DSCAM: variants seen among roughly 807,000 people sequenced by gnomAD.
DSCAM encodes the protein cell adhesion molecule DSCAM.
A neutral mutation model predicts 217.7 loss-of-function variants in DSCAM; 47 were observed. The ratio of observed to expected loss-of-function variants is 0.22; its 90% CI spans 0.17 to 0.28. The LOEUF is 0.28. DSCAM is among the 10% of genes least tolerant of loss of function. The pLI, the probability that DSCAM is intolerant of heterozygous loss-of-function variation, is 1.00. For missense variants in DSCAM, 2,080 were observed against 2,618.3 expected, an observed-to-expected ratio of 0.79 and a Z score of 4.49; for synonymous variants, 1,056 against 1,015.3, an observed-to-expected ratio of 1.04 and a Z score of -0.76.
At chr21:40,642,045 A>AC (rs1434733173) in intron 3 of DSCAM, among the ~76,000 whole-genome samples, 1 of 119,818 alleles carries the variant, frequency 8.3e-6, no homozygotes, top group African/African-American at 3.3e-5. Context: ...TCTGTCTCAA[A>AC]AAAAAAAAAA....
intron 20 of DSCAM, among the ~76,000 whole-genome samples, chr21:40,121,790 A>G (rs2090037905): frequency 6.8e-6 from 1 of 146,926 alleles, no homozygotes; most frequent in Non-Finnish European, 1.5e-5. Flanking sequence ...CCCAGGTTCA[A>G]GAGTTTCTCC....
chr21:40,681,355 C>G (rs1428562763), intron 3 of DSCAM, among the ~76,000 whole-genome samples: 1 of 152,230 alleles, frequency 6.6e-6, no homozygotes, highest in South Asian at 2.1e-4. Flanking sequence ...ACAGCGGCAG[C>G]TGGTGGTGTG....
intron 11 of DSCAM, among the ~76,000 whole-genome samples, chr21:40,191,807 C>T (rs1036014298): frequency 2.0e-5 from 3 of 152,146 alleles, no homozygotes; most frequent in Non-Finnish European, 1.5e-5. Context: ...TGGCTTGTGG[C>T]GGCAAAACTT....
chr21:40,452,566 C>T (rs576835519), intron 3 of DSCAM, among the ~76,000 whole-genome samples: 4 of 152,106 alleles, frequency 2.6e-5, no homozygotes, highest in Non-Finnish European at 2.9e-5. Context: ...ATATTACCTG[C>T]CAAATAGTAT....
chr21:40,245,795 G>A (rs1013905885), intron 11 of DSCAM, among the ~76,000 whole-genome samples: 3 of 152,238 alleles, frequency 2.0e-5, no homozygotes, highest in African/African-American at 4.8e-5. Context: ...AATCAATGAC[G>A]CTTTCATACT....
intron 3 of DSCAM, among the ~76,000 whole-genome samples, chr21:40,371,929 T>C (rs2074903466): frequency 1.3e-5 from 2 of 152,226 alleles, no homozygotes; most frequent in South Asian, 4.1e-4. Context: ...ATGGGTTAAT[T>C]TGACCTCCTT....
intron 1 of DSCAM, among the ~76,000 whole-genome samples, chr21:40,771,221 A>G (rs1239189726): frequency 6.6e-6 from 1 of 152,058 alleles, no homozygotes; most frequent in Non-Finnish European, 1.5e-5. Flanking sequence ...TTAGCATAGA[A>G]CCATGCTGCC....
intron 3 of DSCAM, among the ~76,000 whole-genome samples, chr21:40,406,704 C>T (rs1473169107): frequency 6.6e-6 from 1 of 152,216 alleles, no homozygotes; most frequent in African/African-American, 2.4e-5. Context: ...GATTCTCCCA[C>T]CTCAGCCTCC....
intron 10 of DSCAM, among the ~76,000 whole-genome samples, chr21:40,287,349 G>T (rs527847380): frequency 6.6e-6 from 1 of 152,316 alleles, no homozygotes; most frequent in South Asian, 2.1e-4. Flanking sequence ...GAATTAACCT[G>T]CTTGAGGGAC....
chr21:40,155,417 C>A (rs2090465713), intron 16 of DSCAM, among the ~76,000 whole-genome samples: 1 of 152,160 alleles, frequency 6.6e-6, no homozygotes, highest in South Asian at 2.1e-4. Flanking sequence ...AGGGCTTTGG[C>A]CCACCACACA....
intron 11 of DSCAM, among the ~76,000 whole-genome samples, chr21:40,247,775 A>T (rs2073246270): frequency 6.6e-6 from 1 of 152,216 alleles, no homozygotes; most frequent in Admixed American, 6.5e-5. Flanking sequence ...CAGTTCCACT[A>T]GGTGGTGCCC....
chr21:40,287,132 T>C (rs765733740), intron 10 of DSCAM, among the ~76,000 whole-genome samples: 56 of 151,856 alleles, frequency 3.7e-4, no homozygotes, highest in Non-Finnish European at 7.7e-4. Flanking sequence ...GTCTGCAGCA[T>C]GATCTGCAGC....
chr21:40,611,524 C>G (rs888035083), intron 3 of DSCAM, among the ~76,000 whole-genome samples: 1 of 152,164 alleles, frequency 6.6e-6, no homozygotes, highest in Non-Finnish European at 1.5e-5. Flanking sequence ...TTCAGACCAG[C>G]CATACTTTGA....
chr21:40,653,667 C>T (rs1000368154), intron 3 of DSCAM, among the ~76,000 whole-genome samples: 1 of 152,150 alleles, frequency 6.6e-6, no homozygotes, highest in African/African-American at 2.4e-5. Context: ...GGAGAAGACC[C>T]CGCGTTGACT....
chr21:40,259,178 C>A (rs1438125978), intron 11 of DSCAM, among the ~76,000 whole-genome samples: 1 of 152,062 alleles, frequency 6.6e-6, no homozygotes, highest in East Asian at 1.9e-4. Flanking sequence ...AATATGCCTA[C>A]TAGGAAAAAG....
intron 14 of DSCAM, among the ~76,000 whole-genome samples, chr21:40,184,829 G>A (rs2090875640): frequency 6.6e-6 from 1 of 152,176 alleles, no homozygotes; most frequent in African/African-American, 2.4e-5. Flanking sequence ...ACACTTAGAT[G>A]CTGAGTAAGT....
chr21:40,273,260 T>A (rs754088822), intron 11 of DSCAM, among the ~76,000 whole-genome samples: 1 of 152,246 alleles, frequency 6.6e-6, no homozygotes, highest in Non-Finnish European at 1.5e-5. Flanking sequence ...GATAACTCTA[T>A]GAAGATGGCA....
intron 8 of DSCAM, among the ~76,000 whole-genome samples, chr21:40,323,677 T>C (rs2074285155): frequency 6.6e-6 from 1 of 152,238 alleles, no homozygotes; most frequent in Non-Finnish European, 1.5e-5. Context: ...TTTTTCTCTC[T>C]AATAATTGGA....
At chr21:40,193,301 G>T (rs149923032) in intron 11 of DSCAM, among the ~76,000 whole-genome samples, 2 of 152,312 alleles carry the variant, frequency 1.3e-5, no homozygotes, top group East Asian at 3.9e-4. Context: ...AGGAACTGAA[G>T]GTGGTGGCAC....
Sources: gnomAD v4.1 joint callset for allele counts (sites outside exome capture counted in the v4.1 genomes callset) on GRCh38, gnomAD v4.1.1 for gene constraint, MANE v1.5 for transcripts, NCBI Gene and HGNC (gene_info 2026-07-23, HGNC 2026-07-21) for gene names.